Variants in HDX observed in about 807,000 individuals in gnomAD.
The protein encoded by HDX is highly divergent homeobox, also known as chromosome X open reading frame 43.
In HDX, 19 loss-of-function variants were observed where a neutral mutation model predicts 45.2. The observed-to-expected ratio is 0.42, with a 90% confidence interval of 0.29 to 0.62. The LOEUF is 0.62. Among genes scored for constraint, HDX ranks in the 20% least tolerant of loss-of-function variants. The pLI is 0.20. For synonymous variants in HDX, 188 were observed against 172.8 expected (o/e 1.09, Z -0.69); for missense variants, 532 against 493.9 (o/e 1.08, Z -0.73).
intron 7 of HDX, among the ~76,000 whole-genome samples, chrX:84,338,102 A>G (rs970170073): frequency 7.2e-5 from 8 of 111,015 alleles, no homozygotes; most frequent in Admixed American, 9.6e-5. Context: ...ATCAGCCCTC[A>G]CGAATTTTTC....
At chrX:84,411,526 T>G (rs1214816625) in intron 5 of HDX, among the ~76,000 whole-genome samples, 1 of 111,889 alleles carries the variant, frequency 8.9e-6, no homozygotes, top group Non-Finnish European at 1.9e-5. Context: ...TCCTAGAGTG[T>G]GATCCTAGAG....
chrX:84,446,882 C>T (rs189884927), intron 4 of HDX, among the ~76,000 whole-genome samples: 39 of 112,022 alleles, frequency 3.5e-4, no homozygotes, highest in African/African-American at 1.2e-3. Flanking sequence ...TCCCCAGTCT[C>T]TTCTGTGAGT....
intron 5 of HDX, among the ~76,000 whole-genome samples, chrX:84,420,034 C>T (rs1286593511): frequency 9.0e-6 from 1 of 111,547 alleles, no homozygotes; most frequent in East Asian, 2.8e-4. Flanking sequence ...GAAAGGACAG[C>T]TACAAATAAG....
At chrX:84,397,598 C>T (rs1014262059) in intron 5 of HDX, among the ~76,000 whole-genome samples, 3 of 111,465 alleles carry the variant, frequency 2.7e-5, no homozygotes, top group African/African-American at 9.8e-5. Context: ...GCTGAGGAGG[C>T]TGCCTTTCTT....
At chrX:84,423,611 C>A (rs576737457) in intron 5 of HDX, among the ~76,000 whole-genome samples, 2 of 110,719 alleles carry the variant, frequency 1.8e-5, no homozygotes, top group East Asian at 2.8e-4. Flanking sequence ...AAAGATCATT[C>A]ATCATGACCA....
intron 5 of HDX, among the ~76,000 whole-genome samples, chrX:84,374,321 A>G (rs1242348836): frequency 9.2e-6 from 1 of 108,981 alleles, no homozygotes; most frequent in Non-Finnish European, 1.9e-5. Flanking sequence ...TATCGTGAAA[A>G]TGGCCATACT....
intron 5 of HDX, among the ~76,000 whole-genome samples, chrX:84,386,488 T>C (rs773466469): frequency 3.0e-4 from 33 of 111,548 alleles, no homozygotes; most frequent in South Asian, 7.5e-4. Flanking sequence ...ATGCAGAACT[T>C]TTTTTGGTTG....
chrX:84,475,243 A>G lies in HDX; in HGVS notation c.147+8T>C, dbSNP rs376616561. The G allele has an allele frequency of 6.7e-6, 8 of 1,189,482 alleles. No individual in the cohort carries two copies. The highest frequency in any genetic ancestry group is 9.1e-6 in the Non-Finnish European group (8 of 883,732). ...CTTTAAATTTGAGTGTAAGACCTCA[A>G]TACTTACCCTGACTACACTGAAGTC... On this transcript the variant is annotated splice_region_variant and intron_variant, in intron 3 of 10. Transcript: ENST00000373177.
intron 5 of HDX, among the ~76,000 whole-genome samples, chrX:84,365,965 T>G (rs1233870575): frequency 9.0e-6 from 1 of 111,547 alleles, no homozygotes; most frequent in Non-Finnish European, 1.9e-5. Context: ...TTCAACATAG[T>G]ATTGGAAGTT....
Position 84,442,085 on chromosome X carries a change from A to G in HDX, c.1252-1500T>C, listed in dbSNP as rs1467573715. 3.6e-5 allele frequency among the ~76,000 whole-genome samples: 4 copies of G among 111,054 alleles called. No homozygotes were observed. The East Asian group carries it at 8.5e-4, about 24-fold the overall frequency. On this transcript the variant is annotated intron_variant, in intron 4 of 10. Transcript: ENST00000373177. ...GGTTCAGGTTAGTCTGGACTTAACTATGCTTTATCATAGGACACACAAGAA... is the reference window on the plus strand; with the variant it reads ...GGTTCAGGTTAGTCTGGACTTAACTGTGCTTTATCATAGGACACACAAGAA...
At chrX:84,481,373 G>A (rs187287838) in intron 2 of HDX, among the ~76,000 whole-genome samples, 215 of 110,815 alleles carry the variant, frequency 1.9e-3, no homozygotes, top group African/African-American at 5.5e-3. Context: ...TTTATTGAGC[G>A]CCTTCAATGT....
intron 1 of HDX, among the ~76,000 whole-genome samples, chrX:84,491,658 CTTTG>C (rs1468668557): frequency 6.3e-5 from 7 of 110,921 alleles, no homozygotes; most frequent in African/African-American, 1.6e-4. Context: ...ATATGTTTGC[CTTTG>C]TTTGGGGATA....
At chrX:84,349,093 A>G (rs1368778623) in intron 6 of HDX, among the ~76,000 whole-genome samples, 1 of 110,634 alleles carries the variant, frequency 9.0e-6, no homozygotes, top group Non-Finnish European at 1.9e-5. Flanking sequence ...CCAGCAATTC[A>G]TCAGTTACAG....
chrX:84,448,086 C>T (rs1271618237), intron 4 of HDX, among the ~76,000 whole-genome samples: 1 of 111,847 alleles, frequency 8.9e-6, no homozygotes, highest in Non-Finnish European at 1.9e-5. Context: ...CTTCATCCAT[C>T]CCAATGCCTG....
chrX:84,374,586 G>A lies in HDX; in HGVS notation c.1306-12974C>T, dbSNP rs1198339403. ...ACAGAACAGAGCCCTTGGAAATAAC[G>A]CCACATATCTACAACTATCTGATCT... is the stretch of plus-strand genomic sequence containing the variant. On this transcript the variant is annotated intron_variant, in intron 5 of 10. Coordinates refer to ENST00000373177, the MANE Select transcript of HDX (RefSeq NM_001177479.2). Among the ~76,000 whole-genome samples the A allele has an allele frequency of 1.4e-4, 9 of 66,586 alleles. No homozygotes were observed. The East Asian group carries it at 3.9e-3, about 29-fold the overall frequency. The allele number at this position is 66,586 out of a possible 115,157, so 57.8% of individuals were successfully genotyped here. A position where few individuals can be genotyped will look rare whatever the true frequency, so the allele number is the denominator to read the frequency against.
chrX:84,498,302 A>T (rs2041050209), intron 1 of HDX, among the ~76,000 whole-genome samples: 1 of 111,803 alleles, frequency 8.9e-6, no homozygotes, highest in Admixed American at 9.5e-5. Flanking sequence ...CACAAGAATG[A>T]CCTCATTTGG....
intron 4 of HDX, among the ~76,000 whole-genome samples, chrX:84,447,104 T>G (rs755409295): frequency 7.9e-4 from 88 of 111,485 alleles, no homozygotes; most frequent in Non-Finnish European, 1.4e-3. Context: ...GGAAAGAGAT[T>G]ACTAATTGAG....
intron 2 of HDX, among the ~76,000 whole-genome samples, chrX:84,478,042 G>A (rs144077988): frequency 0.01 from 1,150 of 112,145 alleles, 23 homozygotes; most frequent in African/African-American, 0.036. Flanking sequence ...TACCAAGTCT[G>A]TAAAATGCTG....
chrX:84,373,683 A>G (rs2037959712), intron 5 of HDX, among the ~76,000 whole-genome samples: 2 of 110,858 alleles, frequency 1.8e-5, no homozygotes, highest in African/African-American at 6.6e-5. Flanking sequence ...ATAGATGCAG[A>G]AAAGGCCTTT....
Sources: allele counts gnomAD v4.1 joint callset (sites outside exome capture counted in the v4.1 genomes callset), GRCh38; gene constraint gnomAD v4.1.1; transcripts MANE v1.5; gene names NCBI Gene and HGNC (gene_info 2026-07-23, HGNC 2026-07-21).